Variants in CFAP54 observed in about 807,000 individuals in gnomAD.
CFAP54 encodes the protein cilia- and flagella-associated protein 54.
CFAP54 carries 290 observed loss-of-function variants against 370.4 expected under a neutral mutation model. The observed-to-expected ratio is 0.78, with a 90% CI of 0.71 to 0.86. The LOEUF (loss-of-function observed/expected upper bound fraction) is 0.86. Ranked by LOEUF, CFAP54 falls within the 40% of genes least tolerant of loss-of-function variation. The probability of loss-of-function intolerance (pLI) is 0.00; values close to 1 mark genes in which losing one functional copy is unlikely to be tolerated. For synonymous variants in CFAP54, 1,206 were observed against 1,236.5 expected (o/e 0.98, Z 0.52); for missense variants, 3,399 against 3,528.7 (o/e 0.96, Z 0.93).
At chr12:96,688,428 G>A (rs1167936875) in intron 42 of CFAP54, among the ~76,000 whole-genome samples, 1 of 152,174 alleles carries the variant, frequency 6.6e-6, no homozygotes, top group Non-Finnish European at 1.5e-5. Context: ...GGTTCATTCA[G>A]TGGAACCAAT....
chr12:96,614,503 G>A (rs1592884379), intron 26 of CFAP54, among the ~76,000 whole-genome samples: 2 of 152,324 alleles, frequency 1.3e-5, no homozygotes, highest in Admixed American at 1.3e-4. Flanking sequence ...AGTGTTGGAA[G>A]TTTTGGCCAG....
At position 96,698,152 on chromosome 12, in the gene CFAP54, C is replaced by T. The variant is rs372231983; in HGVS notation, c.6352-1819C>T. Among the ~76,000 whole-genome samples the T allele has an allele frequency of 6.6e-5, 10 of 152,272 alleles. No homozygotes were observed. In the South Asian group the frequency reaches 1.2e-3, roughly 19 times the overall value. On this transcript the variant is annotated intron_variant, in intron 45 of 67. Coordinates refer to ENST00000524981, the MANE Select transcript of CFAP54 (RefSeq NM_001306084.2). ...TGTCACTGAAACTTAGATAAACATG[C>T]ATCCCAATGGAACATAACCTCCAAG...
intron 1 of CFAP54, among the ~76,000 whole-genome samples, chr12:96,492,452 C>T (rs1466087441): frequency 6.6e-6 from 1 of 152,198 alleles, no homozygotes; most frequent in Non-Finnish European, 1.5e-5. Context: ...AAATCTGGCT[C>T]CTTTTTTCAG....
chr12:96,614,480 A>C (rs372738378), intron 26 of CFAP54, among the ~76,000 whole-genome samples: 3 of 152,126 alleles, frequency 2.0e-5, no homozygotes, highest in Admixed American at 6.5e-5. Context: ...CTCTCACCAC[A>C]CCTATTCAAC....
At chr12:96,753,669 T>G (rs1377457231) in intron 55 of CFAP54, 74 bp from the exon 56 acceptor site, 8 of 1,402,584 alleles carry the variant, frequency 5.7e-6, no homozygotes, top group Non-Finnish European at 6.9e-6. Flanking sequence ...GTGAGAGCAG[T>G]CTGGTAACTT....
At chr12:96,501,530 C>A (rs11108551) in intron 2 of CFAP54, among the ~76,000 whole-genome samples, 1 of 152,170 alleles carries the variant, frequency 6.6e-6, no homozygotes, top group South Asian at 2.1e-4. Flanking sequence ...TGCTGTGGAC[C>A]GGTGGACTTG....
intron 44 of CFAP54, among the ~76,000 whole-genome samples, chr12:96,692,699 A>G (rs2136566392): frequency 6.6e-6 from 1 of 152,340 alleles, no homozygotes; most frequent in Admixed American, 6.5e-5. Flanking sequence ...TGACAATTAG[A>G]GGTTCCCCAG....
chr12:96,627,331 T>G (rs1295531951), intron 30 of CFAP54, among the ~76,000 whole-genome samples: 1 of 152,200 alleles, frequency 6.6e-6, no homozygotes, highest in East Asian at 1.9e-4. Flanking sequence ...TTTCCATTTG[T>G]ATATGTGAAG....
chr12:96,726,626 G>A (rs2136619118), intron 50 of CFAP54, among the ~76,000 whole-genome samples: 1 of 151,816 alleles, frequency 6.6e-6, no homozygotes, highest in East Asian at 1.9e-4. Flanking sequence ...CAAAAAACCA[G>A]CTCCTGGATT....
chr12:96,743,597 G>A, intron 53 of CFAP54, 38 bp downstream of exon 53: 1 of 1,611,986 alleles, frequency 6.2e-7, no homozygotes, highest in South Asian at 1.1e-5. Flanking sequence ...TAGTCAGGGA[G>A]GGATTCCAGT....
chr12:96,820,401 T>C (rs1959018711), intron 65 of CFAP54, among the ~76,000 whole-genome samples: 1 of 152,234 alleles, frequency 6.6e-6, no homozygotes, highest in South Asian at 2.1e-4. Flanking sequence ...AGGTACTTGT[T>C]GGCATTTTTA....
chr12:96,773,896 GT>G (rs1958489433), intron 60 of CFAP54, among the ~76,000 whole-genome samples: 1 of 152,138 alleles, frequency 6.6e-6, no homozygotes, highest in Admixed American at 6.5e-5. Context: ...AGATCAAAGG[GT>G]GATTTCATTT....
At chr12:96,700,237 G>A (rs185890367) in intron 46 of CFAP54, 144 bp downstream of exon 46, 19 of 879,918 alleles carry the variant, frequency 2.2e-5, no homozygotes, top group Non-Finnish European at 3.2e-5. Context: ...CTAACATCAG[G>A]ATTTTATGAG....
At chr12:96,694,502 C>T (rs574918126) in intron 45 of CFAP54, among the ~76,000 whole-genome samples, 72 of 151,724 alleles carry the variant, frequency 4.7e-4, no homozygotes, top group South Asian at 2.5e-3. Context: ...CACACACACA[C>T]GCGCACACAC....
At chr12:96,583,727 C>T (rs1175581445) in intron 22 of CFAP54, among the ~76,000 whole-genome samples, 2 of 152,164 alleles carry the variant, frequency 1.3e-5, no homozygotes. Context: ...AGATGTCAAG[C>T]CTGACACTTG....
intron 48 of CFAP54, among the ~76,000 whole-genome samples, chr12:96,716,967 A>G (rs1013825742): frequency 2.0e-5 from 3 of 152,144 alleles, no homozygotes; most frequent in Non-Finnish European, 4.4e-5. Flanking sequence ...CAGCTATGCA[A>G]TGGAGAAGGT....
intron 2 of CFAP54, among the ~76,000 whole-genome samples, chr12:96,502,416 A>AT (rs1419903118): frequency 1.3e-5 from 2 of 151,352 alleles, no homozygotes; most frequent in African/African-American, 4.9e-5. Flanking sequence ...AAAAAAAAAA[A>AT]AAAGGTATTT....
intron 55 of CFAP54, among the ~76,000 whole-genome samples, chr12:96,745,763 T>A (rs978797049): frequency 2.6e-5 from 4 of 152,222 alleles, no homozygotes; most frequent in Non-Finnish European, 5.9e-5. Context: ...TCTGATAACT[T>A]GTTTGTAAAA....
In CFAP54 at chr12:96,704,754, AT is replaced by A; in HGVS notation, c.6489del (p.Phe2163LeufsTer19). On this transcript the variant is annotated frameshift_variant, in exon 47 of 68. Coordinates refer to ENST00000524981, the MANE Select transcript of CFAP54 (RefSeq NM_001306084.2). LOFTEE classifies it high-confidence loss of function. ...TTGTATTTTGACAGATCTTTCAATC[AT>A]TTGACTCAGGAAAACTTCTTACCAG... is the stretch of plus-strand genomic sequence containing the variant. Reference protein sequence around the residue: ...ATGKMKIFQSFDSGKLLTSKE... With the variant: ...ATGKMKIFQSXDSGKLLTSKE... 8.1e-7 allele frequency: 1 copy of A among 1,227,510 alleles called. No homozygotes were observed. Among genetic ancestry groups the A allele is most frequent in the South Asian group, 1.5e-5 (1 of 68,738 alleles). The allele number at this position is 1,227,510 out of a possible 1,614,324, so 76.0% of individuals were successfully genotyped here. A position where few individuals can be genotyped will look rare whatever the true frequency, so the allele number is the denominator to read the frequency against.
Sources: gnomAD v4.1 joint callset for allele counts (sites outside exome capture counted in the v4.1 genomes callset) on GRCh38, gnomAD v4.1.1 for gene constraint, MANE v1.5 for transcripts, NCBI Gene and HGNC (gene_info 2026-07-23, HGNC 2026-07-21) for gene names.